The following AGBL4 variants were observed in gnomAD, a reference collection of about 807,000 sequenced individuals.
AGBL4 encodes the protein cytosolic carboxypeptidase 6.
AGBL4 carries 58 observed loss-of-function variants against 66.4 expected under a neutral mutation model. The observed-to-expected ratio is 0.87, with a 90% confidence interval of 0.71 to 1.09. AGBL4 has a LOEUF of 1.09. AGBL4 is among the 50% of genes least tolerant of loss of function. The pLI is 0.00. For missense variants in AGBL4, 579 were observed against 631.0 expected (o/e 0.92, Z 0.88); for synonymous variants, 234 against 222.9 (o/e 1.05, Z -0.44).
intron 6 of AGBL4, among the ~76,000 whole-genome samples, chr1:48,807,423 G>C (rs187538135): frequency 7.9e-5 from 12 of 152,346 alleles, no homozygotes; most frequent in African/African-American, 2.9e-4. Flanking sequence ...ACTCCCACAA[G>C]GCTCAGGGAG....
chr1:49,592,944 A>T (rs1644780212), intron 3 of AGBL4, among the ~76,000 whole-genome samples: 1 of 152,230 alleles, frequency 6.6e-6, no homozygotes, highest in Non-Finnish European at 1.5e-5. Context: ...ATTCAGTCTA[A>T]TGTAATCCTT....
chr1:48,641,419 T>C (rs1645753291), intron 8 of AGBL4, among the ~76,000 whole-genome samples: 1 of 152,158 alleles, frequency 6.6e-6, no homozygotes, highest in Non-Finnish European at 1.5e-5. Context: ...ATTTAAAGCA[T>C]TCTCCTCACA....
intron 5 of AGBL4, among the ~76,000 whole-genome samples, chr1:48,888,100 T>A (rs2148851973): frequency 6.6e-6 from 1 of 152,278 alleles, no homozygotes; most frequent in East Asian, 1.9e-4. Context: ...GAACCAAATT[T>A]ACAGCAAATA....
At chr1:49,549,937 T>A (rs1475709166) in intron 3 of AGBL4, among the ~76,000 whole-genome samples, 1 of 152,224 alleles carries the variant, frequency 6.6e-6, no homozygotes, top group Non-Finnish European at 1.5e-5. Flanking sequence ...GGTCTATTAG[T>A]AATTGTTTTA....
Position 49,701,570 on chromosome 1 carries a change from T to C in AGBL4, c.158-4133A>G, listed in dbSNP as rs1647094583. 2.6e-5 allele frequency among the ~76,000 whole-genome samples: 4 copies of C among 151,370 alleles called. 1 individual carries two copies. In the South Asian group the frequency reaches 8.4e-4, roughly 32 times the overall value. ...AAGTGATTTAAAGAAAAAATAATAC[T>C]TGGGGGAAAAGGAAAAAAGAGCAAA... On this transcript the variant is annotated intron_variant, in intron 2 of 13. Coordinates refer to ENST00000371839, the MANE Select transcript of AGBL4 (RefSeq NM_032785.4).
intron 3 of AGBL4, among the ~76,000 whole-genome samples, chr1:49,624,080 TAAC>T (rs377299391): frequency 6.4e-4 from 98 of 151,978 alleles, no homozygotes; most frequent in African/African-American, 2.2e-3. Context: ...CTTAGCACAG[TAAC>T]AACTATACTA....
chr1:49,825,729 T>C (rs1261374930), intron 2 of AGBL4, among the ~76,000 whole-genome samples: 1 of 152,178 alleles, frequency 6.6e-6, no homozygotes, highest in Non-Finnish European at 1.5e-5. Context: ...TGCCAGCAGA[T>C]GGCCTTCAGA....
chr1:49,985,051 C>T (rs1659384038), intron 1 of AGBL4, among the ~76,000 whole-genome samples: 1 of 152,158 alleles, frequency 6.6e-6, no homozygotes, highest in African/African-American at 2.4e-5. Flanking sequence ...TGCCCAACTA[C>T]AGTACTACAT....
intron 2 of AGBL4, among the ~76,000 whole-genome samples, chr1:49,736,467 A>G (rs1169329723): frequency 6.6e-6 from 1 of 152,166 alleles, no homozygotes; most frequent in Non-Finnish European, 1.5e-5. Context: ...CATGGAAATT[A>G]AAAAACCTGC....
chr1:49,518,965 G>A (rs920948703), intron 3 of AGBL4, among the ~76,000 whole-genome samples: 1 of 152,000 alleles, frequency 6.6e-6, no homozygotes, highest in Middle Eastern at 3.2e-3. Context: ...GATCTCTGGA[G>A]GGTTATAAAT....
At chr1:48,931,027 A>C (rs1182777325) in intron 5 of AGBL4, among the ~76,000 whole-genome samples, 1 of 152,204 alleles carries the variant, frequency 6.6e-6, no homozygotes, top group Non-Finnish European at 1.5e-5. Context: ...TTTAATTCTC[A>C]GAAATTGTTC....
chr1:49,015,371 T>C (rs1219108464), intron 5 of AGBL4, among the ~76,000 whole-genome samples: 2 of 151,520 alleles, frequency 1.3e-5, no homozygotes, highest in Non-Finnish European at 2.9e-5. Flanking sequence ...AAATCTAATC[T>C]CATTCAAGAA....
At chr1:49,442,399 T>C (rs1342266977) in intron 3 of AGBL4, among the ~76,000 whole-genome samples, 1 of 152,206 alleles carries the variant, frequency 6.6e-6, no homozygotes, top group Non-Finnish European at 1.5e-5. Context: ...TAGGGGATTC[T>C]TGGAATTTAT....
At chr1:49,877,863 C>T (rs1023176875) in intron 1 of AGBL4, among the ~76,000 whole-genome samples, 1 of 151,924 alleles carries the variant, frequency 6.6e-6, no homozygotes, top group Non-Finnish European at 1.5e-5. Context: ...TTCAGAGATT[C>T]AACTTCTTCC....
intron 3 of AGBL4, among the ~76,000 whole-genome samples, chr1:49,574,169 C>T (rs373789250): frequency 3.9e-5 from 6 of 152,086 alleles, no homozygotes; most frequent in African/African-American, 7.2e-5. Context: ...CGAACTGTTT[C>T]GGTTCTCTAA....
chr1:48,563,642 T>C (rs1644430658), intron 11 of AGBL4, among the ~76,000 whole-genome samples: 2 of 82,450 alleles, frequency 2.4e-5, no homozygotes, highest in South Asian at 9.8e-4. Flanking sequence ...ACAGAAAGGG[T>C]GACTTACAGA....
At chr1:49,553,293 C>T (rs1653117985) in intron 3 of AGBL4, among the ~76,000 whole-genome samples, 1 of 152,146 alleles carries the variant, frequency 6.6e-6, no homozygotes, top group Admixed American at 6.5e-5. Context: ...ACTCTCTATT[C>T]CTATAATGAG....
In AGBL4 at chr1:48,762,611, G is replaced by GTT. The variant is rs373279256; in HGVS notation, c.635-99372_635-99371dup. Among the ~76,000 whole-genome samples, 11 of 89,754 alleles carry GTT rather than the reference G, an allele frequency of 1.2e-4. No individual in the cohort carries two copies. The South Asian group carries it at 3.4e-3, about 28-fold the overall frequency. The allele number at this position is 89,754 out of a possible 152,430, so 58.9% of individuals were successfully genotyped here. ...AGTTAGTTAAATCCAGTCTTTAAGG[G>GTT]TTTTGTGTGTGTGTGTGTGTGTGTG... On this transcript the variant is annotated intron_variant, in intron 6 of 13. Coordinates refer to ENST00000371839, the MANE Select transcript of AGBL4 (RefSeq NM_032785.4).
intron 2 of AGBL4, among the ~76,000 whole-genome samples, chr1:49,714,164 C>T (rs757449769): frequency 1.3e-5 from 2 of 151,952 alleles, no homozygotes; most frequent in Non-Finnish European, 2.9e-5. Flanking sequence ...AAGTAATTCA[C>T]AGAAACTGAA....
Sources: allele counts gnomAD v4.1 joint callset (sites outside exome capture counted in the v4.1 genomes callset), GRCh38; gene constraint gnomAD v4.1.1; transcripts MANE v1.5; gene names NCBI Gene and HGNC (gene_info 2026-07-23, HGNC 2026-07-21).